ZNF385B: variants seen among roughly 807,000 people sequenced by gnomAD.
ZNF385B encodes zinc finger protein 385B, also known as zinc finger protein 533.
Under a neutral mutation model 39.2 loss-of-function variants are expected in ZNF385B, and 23 were observed. The ratio of observed to expected loss-of-function variants is 0.59; its 90% CI spans 0.42 to 0.83. The LOEUF (loss-of-function observed/expected upper bound fraction) is 0.83, where lower values mean the gene tolerates loss of function less well. Among genes scored for constraint, ZNF385B ranks in the 40% least tolerant of loss-of-function variants. The pLI, the probability that ZNF385B is intolerant of heterozygous loss-of-function variation, is 0.00. For missense variants in ZNF385B, 552 were observed against 598.9 expected (o/e 0.92, Z 0.82); for synonymous variants, 205 against 222.6 (o/e 0.92, Z 0.70).
chr2:179,545,486 T>TA (rs893988419), intron 3 of ZNF385B, among the ~76,000 whole-genome samples: 203 of 148,048 alleles, frequency 1.4e-3, no homozygotes, highest in Middle Eastern at 0.01. Context: ...CTTGTTCTCT[T>TA]AAAAAAAAAA....
chr2:179,748,335 C>A (rs1049982031), intron 3 of ZNF385B, among the ~76,000 whole-genome samples: 1 of 152,136 alleles, frequency 6.6e-6, no homozygotes, highest in Non-Finnish European at 1.5e-5. Context: ...TCTATACCCA[C>A]TAGTGTGAAA....
chr2:179,734,119 C>T (rs1701585427), intron 3 of ZNF385B, among the ~76,000 whole-genome samples: 1 of 152,180 alleles, frequency 6.6e-6, no homozygotes. Context: ...CATAATATCA[C>T]ATGGCATGGA....
chr2:179,833,142 TTCAA>T (rs1288889855), intron 1 of ZNF385B, among the ~76,000 whole-genome samples: 1 of 152,176 alleles, frequency 6.6e-6, no homozygotes, highest in Non-Finnish European at 1.5e-5. Context: ...TGTATATATA[TTCAA>T]TCAGATACTT....
At chr2:179,845,522 T>C (rs1273055196) in intron 1 of ZNF385B, among the ~76,000 whole-genome samples, 1 of 152,106 alleles carries the variant, frequency 6.6e-6, no homozygotes, top group Admixed American at 6.6e-5. Flanking sequence ...GGATCAAGGA[T>C]AAAGTCATCA....
intron 3 of ZNF385B, among the ~76,000 whole-genome samples, chr2:179,606,856 C>T (rs988491123): frequency 1.3e-5 from 2 of 152,062 alleles, no homozygotes; most frequent in African/African-American, 4.8e-5. Flanking sequence ...AGATTACAGA[C>T]CAAGTCAAAT....
chr2:179,710,208 C>T (rs1350570964), intron 3 of ZNF385B, among the ~76,000 whole-genome samples: 3 of 152,136 alleles, frequency 2.0e-5, no homozygotes, highest in African/African-American at 7.2e-5. Context: ...CCAGCGCTTA[C>T]ACTCTCCTGA....
intron 3 of ZNF385B, among the ~76,000 whole-genome samples, chr2:179,674,556 C>A (rs1315268537): frequency 6.6e-6 from 1 of 152,124 alleles, no homozygotes; most frequent in Non-Finnish European, 1.5e-5. Context: ...TTTTCAGGAT[C>A]CTTTCCTTAT....
chr2:179,809,792 G>A lies in ZNF385B; in HGVS notation c.-154-39120C>T, dbSNP rs533099701. On this transcript the variant is annotated intron_variant, in intron 1 of 9. Transcript: ENST00000410066. Reference sequence around the variant, plus strand: ...CAATGAATCATGACCCTGAATTATCGAGAAAAAAAATTATATTTATTCAGT... The same window carrying A: ...CAATGAATCATGACCCTGAATTATCAAGAAAAAAAATTATATTTATTCAGT... Among the ~76,000 whole-genome samples the A allele has an allele frequency of 2.7e-3, 411 of 151,946 alleles. 3 individuals carry two copies. The highest frequency in any genetic ancestry group is 9.4e-3 in the African/African-American group (390 of 41,494).
At chr2:179,794,775 G>A (rs1705551922) in intron 1 of ZNF385B, among the ~76,000 whole-genome samples, 1 of 152,084 alleles carries the variant, frequency 6.6e-6, no homozygotes, top group Admixed American at 6.6e-5. Flanking sequence ...GGATCAATGT[G>A]ACTTCAGGAG....
intron 6 of ZNF385B, among the ~76,000 whole-genome samples, chr2:179,471,953 C>T (rs1478637637): frequency 6.6e-6 from 1 of 152,118 alleles, no homozygotes; most frequent in Non-Finnish European, 1.5e-5. Context: ...AGTAATTCCC[C>T]TAGTACTAAT....
At chr2:179,768,110 T>C (rs571632883) in intron 3 of ZNF385B, among the ~76,000 whole-genome samples, 8 of 151,706 alleles carry the variant, frequency 5.3e-5, no homozygotes, top group Non-Finnish European at 1.0e-4. Context: ...CCACCACACC[T>C]GACTAAATTT....
intron 5 of ZNF385B, among the ~76,000 whole-genome samples, chr2:179,499,004 AG>A (rs1160663214): frequency 1.3e-5 from 2 of 151,994 alleles, no homozygotes; most frequent in Non-Finnish European, 2.9e-5. Flanking sequence ...CTGATTCTGC[AG>A]AAAGTTAAAG....
At chr2:179,545,975 TC>T (rs1422103227) in intron 3 of ZNF385B, among the ~76,000 whole-genome samples, 1 of 152,208 alleles carries the variant, frequency 6.6e-6, no homozygotes, top group African/African-American at 2.4e-5. Flanking sequence ...TGTTGTGCTA[TC>T]AAATACTAGA....
intron 3 of ZNF385B, among the ~76,000 whole-genome samples, chr2:179,573,053 T>G (rs944939984): frequency 2.0e-5 from 3 of 152,254 alleles, no homozygotes; most frequent in Non-Finnish European, 2.9e-5. Flanking sequence ...TCAAATCTTA[T>G]AGCAAGAATT....
intron 1 of ZNF385B, among the ~76,000 whole-genome samples, chr2:179,805,473 C>T (rs2106559351): frequency 6.6e-6 from 1 of 152,176 alleles, no homozygotes; most frequent in East Asian, 1.9e-4. Context: ...GTAGGTATTT[C>T]TTAGATTAAG....
At chr2:179,469,259 A>G (rs566043871) in intron 6 of ZNF385B, among the ~76,000 whole-genome samples, 159 of 152,308 alleles carry the variant, frequency 1.0e-3, no homozygotes, top group African/African-American at 3.6e-3. Context: ...GGCCACACAT[A>G]AGTTATACTA....
At chr2:179,623,232 T>C (rs1690370489) in intron 3 of ZNF385B, among the ~76,000 whole-genome samples, 1 of 151,904 alleles carries the variant, frequency 6.6e-6, no homozygotes, top group African/African-American at 2.4e-5. Context: ...AACTCAAGAG[T>C]AAATGAAAGC....
intron 3 of ZNF385B, among the ~76,000 whole-genome samples, chr2:179,758,293 T>C (rs957906693): frequency 6.6e-6 from 1 of 152,270 alleles, no homozygotes; most frequent in East Asian, 1.9e-4. Context: ...GGCTAAGAAG[T>C]CCAAGATCAA....
At chr2:179,669,517 T>C (rs1559063298) in intron 3 of ZNF385B, among the ~76,000 whole-genome samples, 2 of 152,344 alleles carry the variant, frequency 1.3e-5, no homozygotes, top group South Asian at 4.1e-4. Context: ...CCAGATCACC[T>C]GGCTATTTAG....
Sources: gnomAD v4.1 joint callset for allele counts (sites outside exome capture counted in the v4.1 genomes callset) on GRCh38, gnomAD v4.1.1 for gene constraint, MANE v1.5 for transcripts, NCBI Gene and HGNC (gene_info 2026-07-23, HGNC 2026-07-21) for gene names.